Variants in RBP7 observed in about 807,000 individuals in gnomAD.
The protein encoded by RBP7 is retinol binding protein 7, also known as retinoid-binding protein 7.
A neutral mutation model predicts 16.7 loss-of-function variants in RBP7; 13 were observed. The observed-to-expected ratio is 0.78, with a 90% CI of 0.51 to 1.24. RBP7 has a LOEUF of 1.24. Among genes scored for constraint, RBP7 ranks in the 50% most tolerant of loss-of-function variants. The probability of loss-of-function intolerance (pLI) is 0.00; values close to 1 mark genes in which losing one functional copy is unlikely to be tolerated. For missense variants in RBP7, 145 were observed against 159.5 expected (o/e 0.91, Z 0.49); for synonymous variants, 54 against 56.2 (o/e 0.96, Z 0.17).
At chr1:10,007,061 T>G in intron 1 of RBP7, 1 of 369,566 alleles carries the variant, frequency 2.7e-6, no homozygotes, top group Non-Finnish European at 5.3e-6. Context: ...ATTCTCCTAC[T>G]TCAGCCTCCA....
chr1:10,011,025 A>T (rs754349635), intron 3 of RBP7, among the ~76,000 whole-genome samples: 8 of 152,328 alleles, frequency 5.3e-5, no homozygotes, highest in Non-Finnish European at 8.8e-5. Context: ...CACCCGACAG[A>T]CAGAAAACAA....
rs891386961 is a variant in RBP7 at position 10,008,346 on chromosome 1, C to G, written c.354+72C>G. The G allele has an allele frequency of 4.1e-6, 4 of 981,492 alleles. No individual in the cohort carries two copies. The African/African-American group carries it at 6.5e-5, about 16-fold the overall frequency. 60.8% of individuals were successfully genotyped at this position (981,492 alleles called of 1,614,324 possible). A position where few individuals can be genotyped will look rare whatever the true frequency, so the allele number is the denominator to read the frequency against. On this transcript the variant is annotated intron_variant, in intron 3 of 3. Transcript: ENST00000294435. ...AAACATCAGGCCAAGCGTGGTGGCT[C>G]ACACCTGTAATCCCAGCATTTTAGG... is the stretch of plus-strand genomic sequence containing the variant.
chr1:10,006,992 G>T, intron 1 of RBP7: 1 of 425,586 alleles, frequency 2.3e-6, no homozygotes, highest in Non-Finnish European at 4.6e-6. Context: ...TGTTGCTCAG[G>T]CTGGAGTGCA....
Position 9,997,743 on chromosome 1 carries a change from C to T in RBP7, c.73+412C>T, listed in dbSNP as rs1165504193. Reference sequence around the variant, plus strand: ...GGGGGTCCGGCCGGGGAGGGGGCGCCCGGGACCGAAGCCTCTGCCCGGCCA... The same window carrying T: ...GGGGGTCCGGCCGGGGAGGGGGCGCTCGGGACCGAAGCCTCTGCCCGGCCA... On this transcript the variant is annotated intron_variant, in intron 1 of 3. Transcript: ENST00000294435. The surrounding 1 kb of genome is among the most constrained non-coding windows in gnomAD (Gnocchi z 5.9). Among the ~76,000 whole-genome samples the T allele has an allele frequency of 6.6e-6, 1 of 151,972 alleles. No homozygotes were observed. Among genetic ancestry groups the T allele is most frequent in the African/African-American group, 2.4e-5 (1 of 41,404 alleles).
At chr1:10,014,722 G>T (rs1348383372) in intron 3 of RBP7, among the ~76,000 whole-genome samples, 1 of 152,088 alleles carries the variant, frequency 6.6e-6, no homozygotes, top group Non-Finnish European at 1.5e-5. Context: ...TAATAAACTG[G>T]TAATAGTAAG....
At chr1:10,008,690 C>T (rs1642522200) in intron 3 of RBP7, among the ~76,000 whole-genome samples, 2 of 151,720 alleles carry the variant, frequency 1.3e-5, no homozygotes, top group Non-Finnish European at 2.9e-5. Context: ...CCACCCGCCT[C>T]GGCCTCCCAA....
intron 1 of RBP7, among the ~76,000 whole-genome samples, chr1:9,998,440 C>G (rs1257600886): frequency 1.5e-5 from 2 of 133,202 alleles, no homozygotes; most frequent in Non-Finnish European, 3.1e-5. Flanking sequence ...CGGAGTCTCG[C>G]TCTGTTGCCC....
chr1:10,004,065 A>ATTTTTTTTT (rs56955055), intron 1 of RBP7: 2 of 83,142 alleles, frequency 2.4e-5, no homozygotes, highest in African/African-American at 9.6e-5. Flanking sequence ...CTGCCTCACA[A>ATTTTTTTTT]TTTTTTTTTT....
Position 10,003,722 on chromosome 1 carries a change from A to C in RBP7, c.74-3848A>C, listed in dbSNP as rs57906726. On this transcript the variant is annotated intron_variant, in intron 1 of 3. Coordinates refer to ENST00000294435, the MANE Select transcript of RBP7 (RefSeq NM_052960.3). ...CCTACATGAGTAGTGCAAATTGTAA[A>C]TTTGCTAACAACAAATTGCCTCACA... 7.7e-3 allele frequency among the ~76,000 whole-genome samples: 1,167 copies of C among 152,224 alleles called. 17 individuals are homozygous for C. Among genetic ancestry groups the C allele is most frequent in the African/African-American group, 0.027 (1,128 of 41,560 alleles).
intron 1 of RBP7, among the ~76,000 whole-genome samples, chr1:9,998,788 G>C (rs1642217925): frequency 2.0e-5 from 3 of 152,138 alleles, no homozygotes; most frequent in Admixed American, 2.0e-4. Flanking sequence ...CAAGAGATAA[G>C]AGTGTTCCTC....
rs1230522256 is a variant in RBP7 at position 10,008,251 on chromosome 1, A to C, written c.331A>C (p.Ile111Leu). Residue 111 changes from isoleucine to leucine, a missense_variant, in exon 3 of 4, where the codon ATC (isoleucine) becomes CTC (leucine). Coordinates refer to ENST00000294435, the MANE Select transcript of RBP7 (RefSeq NM_052960.3). Reference protein sequence around the residue: ...EKKNRGWTHWIEGDKLHLEMF... With the variant: ...EKKNRGWTHWLEGDKLHLEMF... ...GAAGAACAGAGGCTGGACCCATTGG[A>C]TCGAAGGAGACAAACTCCACCTGGT... 1.9e-6 allele frequency: 3 copies of C among 1,610,798 alleles called. No homozygotes were observed. Among genetic ancestry groups the C allele is most frequent in the African/African-American group, 2.7e-5 (2 of 74,606 alleles).
Position 10,008,170 on chromosome 1 carries a change from C to A in RBP7, c.253-3C>A. On this transcript the variant is annotated splice_region_variant and splice_polypyrimidine_tract_variant and intron_variant, in intron 2 of 3. Transcript: ENST00000294435. Reference sequence around the variant, plus strand: ...GCTAACATTTTCTCCTCTCTTCATGCAGAGTTTGGTTATCTGGGACAATGA... The same window carrying A: ...GCTAACATTTTCTCCTCTCTTCATGAAGAGTTTGGTTATCTGGGACAATGA... 1.3e-6 allele frequency: 2 copies of A among 1,589,850 alleles called. No individual in the cohort carries two copies. The highest frequency in any genetic ancestry group is 8.6e-7 in the Non-Finnish European group (1 of 1,158,274).
chr1:10,005,607 A>G (rs1642418114), intron 1 of RBP7, among the ~76,000 whole-genome samples: 1 of 150,426 alleles, frequency 6.6e-6, no homozygotes, highest in Admixed American at 6.7e-5. Context: ...TCTGTTGCCC[A>G]GGCTGGAGTG....
chr1:10,005,416 G>C (rs1157100240), intron 1 of RBP7, among the ~76,000 whole-genome samples: 1 of 151,926 alleles, frequency 6.6e-6, no homozygotes, highest in Non-Finnish European at 1.5e-5. Context: ...TGTCCAGGCT[G>C]GTCTTGAACT....
Position 10,015,943 on chromosome 1 carries a change from G to A in RBP7, c.*111G>A. 1.0e-6 allele frequency: 1 copy of A among 954,032 alleles called. No homozygotes were observed. Among genetic ancestry groups the A allele is most frequent in the Non-Finnish European group, 1.7e-6 (1 of 600,928 alleles). The allele number at this position is 954,032 out of a possible 1,614,324, so 59.1% of individuals were successfully genotyped here. A position where few individuals can be genotyped will look rare whatever the true frequency, so the allele number is the denominator to read the frequency against. On this transcript the variant is annotated 3_prime_UTR_variant, in exon 4 of 4. Transcript: ENST00000294435. ...TTGGCGACGAGGACTCGTGGCTGGA[G>A]AGAGCCACACAGCGTGTAACCTGAA...
intron 3 of RBP7, among the ~76,000 whole-genome samples, chr1:10,010,877 C>T (rs541297763): frequency 6.6e-6 from 1 of 152,210 alleles, no homozygotes; most frequent in Non-Finnish European, 1.5e-5. Context: ...AGCCAGCATG[C>T]CCGGCCATGC....
rs1642199126 is a variant in RBP7 at position 9,997,733 on chromosome 1, G to A, written c.73+402G>A. Among the ~76,000 whole-genome samples the A allele has an allele frequency of 6.6e-6, 1 of 151,984 alleles. No individual in the cohort carries two copies. Among genetic ancestry groups the A allele is most frequent in the Non-Finnish European group, 1.5e-5 (1 of 67,950 alleles). On this transcript the variant is annotated intron_variant, in intron 1 of 3. Transcript: ENST00000294435. This position sits in a 1 kb window ranked among gnomAD's most constrained non-coding sequence, Gnocchi z 5.9. ...GGCCGGGGAGGGGGGTCCGGCCGGG[G>A]AGGGGGCGCCCGGGACCGAAGCCTC...
chr1:10,008,223 AAAG>A lies in RBP7; in HGVS notation c.309_311del (p.Lys103del). 6.2e-7 allele frequency: 1 copy of A among 1,613,456 alleles called. No homozygotes were observed. The highest frequency in any genetic ancestry group is 8.5e-7 in the Non-Finnish European group (1 of 1,179,598). On this transcript the variant is annotated inframe_deletion, in exon 3 of 4. Transcript: ENST00000294435. ...GGCTCACCTGTATCCAGAAGGGAGA[AAAG>A]AAGAACAGAGGCTGGACCCATTGGA...
chr1:10,011,418 A>T (rs1408606045), intron 3 of RBP7, among the ~76,000 whole-genome samples: 1 of 152,242 alleles, frequency 6.6e-6, no homozygotes, highest in Non-Finnish European at 1.5e-5. Context: ...AACCAGAGAA[A>T]TTAAGGTTAT....
Sources: allele counts gnomAD v4.1 joint callset (sites outside exome capture counted in the v4.1 genomes callset), GRCh38; gene constraint gnomAD v4.1.1; non-coding constraint Gnocchi (gnomAD v3.1); transcripts MANE v1.5; gene names NCBI Gene and HGNC (gene_info 2026-07-23, HGNC 2026-07-21).